The following SNX27 variants were observed in gnomAD, a reference collection of about 807,000 sequenced individuals.
SNX27 encodes sorting nexin-27.
In SNX27, 22 loss-of-function variants were observed where a neutral mutation model predicts 71.6. The observed-to-expected ratio is 0.31, with a 90% CI of 0.22 to 0.44. The LOEUF (loss-of-function observed/expected upper bound fraction) is 0.44. SNX27 is among the 20% of genes least tolerant of loss of function. The probability of loss-of-function intolerance (pLI) is 1.00; values close to 1 mark genes in which losing one functional copy is unlikely to be tolerated. For missense variants in SNX27, 531 were observed against 698.6 expected (o/e 0.76, Z 2.70); for synonymous variants, 269 against 277.2 (o/e 0.97, Z 0.29).
chr1:151,665,123 T>C lies in SNX27; in HGVS notation c.907-810T>C, dbSNP rs1304182868. 2.6e-5 allele frequency among the ~76,000 whole-genome samples: 4 copies of C among 152,190 alleles called. No homozygotes were observed. The East Asian group carries it at 7.7e-4, about 29-fold the overall frequency. ...TTGTTTTATCAACAAAACAATGGCA[T>C]GAAAAAGAGATACCTTACTTATATT... is the stretch of plus-strand genomic sequence containing the variant. On this transcript the variant is annotated intron_variant, in intron 5 of 11. Transcript: ENST00000458013.
chr1:151,653,894 G>A (rs1307411082), intron 2 of SNX27, among the ~76,000 whole-genome samples: 3 of 148,222 alleles, frequency 2.0e-5, no homozygotes, highest in Admixed American at 6.8e-5. Context: ...GTGCAGTGGC[G>A]CGATCTTGGC....
At chr1:151,656,661 A>G (rs1669705235) in intron 2 of SNX27, among the ~76,000 whole-genome samples, 1 of 152,230 alleles carries the variant, frequency 6.6e-6, no homozygotes, top group South Asian at 2.1e-4. Context: ...AGGCATTTAT[A>G]CAAATGTCAA....
At chr1:151,643,512 C>G (rs1668879408) in intron 2 of SNX27, among the ~76,000 whole-genome samples, 1 of 151,466 alleles carries the variant, frequency 6.6e-6, no homozygotes, top group African/African-American at 2.4e-5. Context: ...CCAGGCTGGT[C>G]TTGAACTCCT....
intron 1 of SNX27, among the ~76,000 whole-genome samples, chr1:151,633,837 C>T (rs1029442135): frequency 6.6e-6 from 1 of 152,124 alleles, no homozygotes; most frequent in Non-Finnish European, 1.5e-5. Flanking sequence ...TGTGATACTC[C>T]ACTTTATGAA....
intron 1 of SNX27, 87 bp from the exon 2 acceptor site, chr1:151,638,801 C>T: frequency 1.7e-6 from 2 of 1,185,062 alleles, no homozygotes; most frequent in Non-Finnish European, 2.5e-6. Context: ...TACCGTGTGA[C>T]ACTGGAGTTT....
chr1:151,653,013 C>T (rs1344331509), intron 2 of SNX27, among the ~76,000 whole-genome samples: 1 of 151,418 alleles, frequency 6.6e-6, no homozygotes, highest in Non-Finnish European at 1.5e-5. Context: ...CTGCAACCTC[C>T]GCCTCCCAGG....
intron 2 of SNX27, among the ~76,000 whole-genome samples, chr1:151,650,115 T>G (rs1433360133): frequency 6.6e-6 from 1 of 152,172 alleles, no homozygotes; most frequent in Non-Finnish European, 1.5e-5. Context: ...CTTGGACTTC[T>G]GGCCTCAAGT....
At chr1:151,687,853 C>T (rs1184335061) in intron 8 of SNX27, among the ~76,000 whole-genome samples, 1 of 150,644 alleles carries the variant, frequency 6.6e-6, no homozygotes, top group African/African-American at 2.4e-5. Flanking sequence ...GAGACTGGGG[C>T]AGGAGAATGG....
intron 2 of SNX27, among the ~76,000 whole-genome samples, chr1:151,656,148 G>T (rs542414193): frequency 6.6e-6 from 1 of 151,448 alleles, no homozygotes; most frequent in African/African-American, 2.4e-5. Context: ...GCGTGAACCC[G>T]GGGGGCGGAG....
intron 4 of SNX27, chr1:151,661,683 G>A (rs1669970713): frequency 6.6e-6 from 1 of 152,462 alleles, no homozygotes; most frequent in Admixed American, 6.5e-5. Context: ...AGGAAAAATG[G>A]ATGAGACTCA....
At chr1:151,662,368 G>C (rs1225988956) in intron 5 of SNX27, 98 bp downstream of exon 5, 2 of 653,606 alleles carry the variant, frequency 3.1e-6, no homozygotes, top group Non-Finnish European at 2.6e-6. Flanking sequence ...AGGGTGTCTG[G>C]CACATAATCC....
intron 7 of SNX27, among the ~76,000 whole-genome samples, chr1:151,670,412 A>G (rs762988691): frequency 2.5e-4 from 38 of 152,234 alleles, no homozygotes; most frequent in Non-Finnish European, 4.7e-4. Flanking sequence ...GTATATACCC[A>G]GCAGTGGGAT....
At chr1:151,675,160 T>C (rs959670278) in intron 7 of SNX27, among the ~76,000 whole-genome samples, 1 of 152,172 alleles carries the variant, frequency 6.6e-6, no homozygotes, top group Non-Finnish European at 1.5e-5. Flanking sequence ...CATTTTTTTT[T>C]TTCAGGTTTT....
At chr1:151,633,030 C>T (rs1363186658) in intron 1 of SNX27, among the ~76,000 whole-genome samples, 1 of 151,996 alleles carries the variant, frequency 6.6e-6, no homozygotes, top group Non-Finnish European at 1.5e-5. Context: ...CGCCACTACG[C>T]CTGGCTAATT....
intron 8 of SNX27, among the ~76,000 whole-genome samples, chr1:151,684,990 G>T (rs1671128511): frequency 6.6e-6 from 1 of 151,982 alleles, no homozygotes; most frequent in Non-Finnish European, 1.5e-5. Flanking sequence ...TGTATTTTTA[G>T]TAGAGATGGG....
chr1:151,693,949 A>T, intron 11 of SNX27: 1 of 1,283,946 alleles, frequency 7.8e-7, no homozygotes, highest in East Asian at 3.2e-5. Context: ...CTGGAACAGA[A>T]TTTGGAAGAT....
At chr1:151,671,236 CT>C (rs34972986) in intron 7 of SNX27, among the ~76,000 whole-genome samples, 16,125 of 138,708 alleles carry the variant, frequency 0.12, 987 homozygotes, top group East Asian at 0.18. Context: ...CAGTTTTGTT[CT>C]TTTTTTTTTT....
At chr1:151,649,952 A>G (rs1669247562) in intron 2 of SNX27, among the ~76,000 whole-genome samples, 1 of 152,044 alleles carries the variant, frequency 6.6e-6, no homozygotes, top group South Asian at 2.1e-4. Context: ...CAGTGGCACC[A>G]TCTTGGCTCG....
In SNX27 at chr1:151,696,522, G is replaced by GTTCTTTCGTTCTTTCTTTCTTTCTTTCT. The variant is rs1553267186; in HGVS notation, c.*2112_*2113insGTTCTTTCTTTCTTTCTTTCTTTCTTTC. 6.8e-5 allele frequency: 7 copies of GTTCTTTCGTTCTTTCTTTCTTTCTTTCT among 102,302 alleles called. No individual in the cohort carries two copies. Among genetic ancestry groups the GTTCTTTCGTTCTTTCTTTCTTTCTTTCT allele is most frequent in the African/African-American group, 2.4e-4 (7 of 29,274 alleles). The allele number at this position is 102,302 out of a possible 1,614,324, so 6.3% of individuals were successfully genotyped here. On this transcript the variant is annotated 3_prime_UTR_variant, in exon 12 of 12. Transcript: ENST00000458013. ...CTTTCTTTCGTTCTTTCGTTCTTTC[G>GTTCTTTCGTTCTTTCTTTCTTTCTTTCT]TTCTTTCTTTCTTTCTTTCTTTCTC...
Sources: gnomAD v4.1 joint callset for allele counts (sites outside exome capture counted in the v4.1 genomes callset) on GRCh38, gnomAD v4.1.1 for gene constraint, MANE v1.5 for transcripts, NCBI Gene and HGNC (gene_info 2026-07-23, HGNC 2026-07-21) for gene names.